ZFHX3: variants seen among roughly 807,000 people sequenced by gnomAD.
ZFHX3 encodes zinc finger homeobox protein 3.
In ZFHX3, 42 loss-of-function variants were observed where a neutral mutation model predicts 279.1. That is an observed-to-expected ratio of 0.15 (90% CI 0.12 to 0.19). ZFHX3 has a LOEUF of 0.19. Among genes scored for constraint, ZFHX3 ranks in the 10% least tolerant of loss-of-function variants. The probability of loss-of-function intolerance (pLI) is 1.00; values close to 1 mark genes in which losing one functional copy is unlikely to be tolerated. For synonymous variants in ZFHX3, 2,293 were observed against 1,957.8 expected, an observed-to-expected ratio of 1.17 and a Z score of -4.52; for missense variants, 4,981 against 4,754.0, an observed-to-expected ratio of 1.05 and a Z score of -1.40.
chr16:72,868,613 G>A (rs945737022), intron 4 of ZFHX3, among the ~76,000 whole-genome samples: 71 of 152,304 alleles, frequency 4.7e-4, no homozygotes, highest in African/African-American at 1.4e-3. Flanking sequence ...ACCCGTTCGC[G>A]CTCTATCTTT....
intron 2 of ZFHX3, among the ~76,000 whole-genome samples, chr16:73,572,100 T>A (rs1318035754): frequency 6.7e-6 from 1 of 149,628 alleles, no homozygotes; most frequent in Non-Finnish European, 1.5e-5. Flanking sequence ...GGAGAATAAT[T>A]CCCTAATGCC....
chr16:73,203,151 C>A (rs781297893), intron 5 of ZFHX3, among the ~76,000 whole-genome samples: 33 of 152,022 alleles, frequency 2.2e-4, no homozygotes, highest in Non-Finnish European at 2.5e-4. Context: ...AGTCACTGAC[C>A]CACACGTGTA....
chr16:72,988,508 C>T (rs956786960), intron 1 of ZFHX3, among the ~76,000 whole-genome samples: 2 of 152,196 alleles, frequency 1.3e-5, no homozygotes, highest in African/African-American at 4.8e-5. Context: ...GAGCTCACAC[C>T]ATATACAATC....
At chr16:72,904,993 A>T (rs568598904) in intron 3 of ZFHX3, among the ~76,000 whole-genome samples, 2 of 152,040 alleles carry the variant, frequency 1.3e-5, no homozygotes, top group Admixed American at 6.6e-5. Context: ...CACCATGCCC[A>T]GCTAATTTTT....
At chr16:73,663,286 G>A (rs1434477821) in intron 2 of ZFHX3, among the ~76,000 whole-genome samples, 1 of 152,140 alleles carries the variant, frequency 6.6e-6, no homozygotes, top group Non-Finnish European at 1.5e-5. Flanking sequence ...GATGCTGTTT[G>A]GAAATGGCAG....
intron 3 of ZFHX3, among the ~76,000 whole-genome samples, chr16:73,347,379 G>T (rs2016143332): frequency 6.6e-6 from 1 of 152,204 alleles, no homozygotes; most frequent in South Asian, 2.1e-4. Context: ...GTCCAGCTTT[G>T]TTGGGATACC....
chr16:73,242,204 C>G (rs1319688585), intron 5 of ZFHX3, among the ~76,000 whole-genome samples: 4 of 152,088 alleles, frequency 2.6e-5, no homozygotes, highest in East Asian at 3.9e-4. Flanking sequence ...TGAGTGGGGT[C>G]CAACCAGCAC....
chr16:73,194,125 C>T (rs1036713315), intron 5 of ZFHX3, among the ~76,000 whole-genome samples: 7 of 152,170 alleles, frequency 4.6e-5, no homozygotes, highest in Non-Finnish European at 1.0e-4. Context: ...TGTTCCAACC[C>T]ATCCATGGAA....
intron 1 of ZFHX3, among the ~76,000 whole-genome samples, chr16:73,789,759 T>TTC (rs145422809): frequency 5.9e-5 from 9 of 151,916 alleles, no homozygotes; most frequent in Admixed American, 2.6e-4. Flanking sequence ...CTTCAAAAAT[T>TTC]TCTCTCTCTC....
intron 1 of ZFHX3, among the ~76,000 whole-genome samples, chr16:73,026,558 C>T (rs755473947): frequency 1.3e-5 from 2 of 150,114 alleles, no homozygotes; most frequent in African/African-American, 4.9e-5. Flanking sequence ...GTAATCCCAG[C>T]TACTTGGAAG....
In ZFHX3 at chr16:72,988,806, A is replaced by G. The variant is rs566332254; in HGVS notation, c.-49-28612T>C. Reference sequence around the variant, plus strand: ...AAAATCATCATAATTTTTCATCTTTATTCTTCACTGATAATTACTGACTGC... The same window carrying G: ...AAAATCATCATAATTTTTCATCTTTGTTCTTCACTGATAATTACTGACTGC... On this transcript the variant is annotated intron_variant, in intron 1 of 9. Transcript: ENST00000268489. Among the ~76,000 whole-genome samples, 95 of 152,366 alleles carry G rather than the reference A, an allele frequency of 6.2e-4. 1 individual carries two copies. In the Middle Eastern group the frequency reaches 0.01, roughly 16 times the overall value.
At chr16:73,717,927 A>C (rs1187875415) in intron 1 of ZFHX3, among the ~76,000 whole-genome samples, 2 of 152,206 alleles carry the variant, frequency 1.3e-5, no homozygotes, top group Admixed American at 6.5e-5. Context: ...AGCCATCACT[A>C]TGCAGAATGA....
rs904594039 is a variant in ZFHX3 at position 72,836,654 on chromosome 16, T to TA, written c.3449-6796dup. ...GTCCTCTGTGGATAATCATCTAAAT[T>TA]AAAAAAAAAACACCAACCAACTTTG... is the stretch of plus-strand genomic sequence containing the variant. On this transcript the variant is annotated intron_variant, in intron 4 of 9. Transcript: ENST00000268489. Among the ~76,000 whole-genome samples the TA allele has an allele frequency of 5.6e-4, 84 of 149,012 alleles. 1 individual carries two copies. Among genetic ancestry groups the TA allele is most frequent in the Middle Eastern group, 3.4e-3 (1 of 290 alleles).
At position 73,105,408 on chromosome 16, in the gene ZFHX3, T is replaced by TAC. The variant is rs58787364; in HGVS notation, c.-896-11812_-896-11811dup. Among the ~76,000 whole-genome samples the TAC allele has an allele frequency of 7.6e-4, 63 of 82,796 alleles. No individual in the cohort carries two copies. In the East Asian group the frequency reaches 7.7e-3, roughly 10 times the overall value. The allele number at this position is 82,796 out of a possible 152,430, so 54.3% of individuals were successfully genotyped here. On this transcript the variant is annotated intron_variant, in intron 7 of 17. Transcript: ENST00000641206. Reference sequence around the variant, plus strand: ...ACACACACACACATATATATATATATACACACACACATATATATATATATA... The same window carrying TAC: ...ACACACACACACATATATATATATATACACACACACACATATATATATATATA...
At chr16:73,214,156 C>A (rs1567420114) in intron 5 of ZFHX3, among the ~76,000 whole-genome samples, 1 of 152,200 alleles carries the variant, frequency 6.6e-6, no homozygotes, top group Non-Finnish European at 1.5e-5. Flanking sequence ...CTGCTCCGCA[C>A]AGCCCAGTGC....
At chr16:72,985,689 C>A (rs892358552) in intron 1 of ZFHX3, among the ~76,000 whole-genome samples, 1 of 152,138 alleles carries the variant, frequency 6.6e-6, no homozygotes, top group Non-Finnish European at 1.5e-5. Context: ...CTGGTTAAAA[C>A]CCTCCCTTCT....
intron 5 of ZFHX3, among the ~76,000 whole-genome samples, chr16:73,160,040 GGCAT>G (rs1967190826): frequency 1.3e-5 from 2 of 152,172 alleles, no homozygotes; most frequent in Non-Finnish European, 2.9e-5. Flanking sequence ...TGGGATTACA[GGCAT>G]GAGCCTCCAC....
intron 3 of ZFHX3, among the ~76,000 whole-genome samples, chr16:73,340,628 G>A (rs1034648165): frequency 1.3e-5 from 2 of 152,134 alleles, no homozygotes; most frequent in Admixed American, 6.5e-5. Context: ...CTCTCACTTC[G>A]GCCTCCTAAA....
chr16:73,030,586 T>C (rs1223697702), intron 1 of ZFHX3, among the ~76,000 whole-genome samples: 2 of 151,834 alleles, frequency 1.3e-5, no homozygotes, highest in Admixed American at 6.6e-5. Flanking sequence ...ATGCCTCTTA[T>C]CAATTTATCA....
Sources: allele counts gnomAD v4.1 joint callset (sites outside exome capture counted in the v4.1 genomes callset), GRCh38; gene constraint gnomAD v4.1.1; transcripts MANE v1.5; gene names NCBI Gene and HGNC (gene_info 2026-07-23, HGNC 2026-07-21).